Variants in CSRNP3 observed in about 807,000 individuals in gnomAD.
The protein encoded by CSRNP3 is cysteine and serine rich nuclear protein 3.
Under a neutral mutation model 48.0 loss-of-function variants are expected in CSRNP3, and 12 were observed. The ratio of observed to expected loss-of-function variants is 0.25; its 90% CI spans 0.16 to 0.41. CSRNP3 has a LOEUF of 0.41. Among genes scored for constraint, CSRNP3 ranks in the 10% least tolerant of loss-of-function variants. The pLI is 1.00. For missense variants in CSRNP3, 580 were observed against 724.4 expected, an observed-to-expected ratio of 0.80 and a Z score of 2.29; for synonymous variants, 263 against 269.7, an observed-to-expected ratio of 0.98 and a Z score of 0.24.
At chr2:165,620,079 G>A (rs1209579543) in intron 4 of CSRNP3, among the ~76,000 whole-genome samples, 1 of 152,118 alleles carries the variant, frequency 6.6e-6, no homozygotes, top group East Asian at 1.9e-4. Flanking sequence ...TAGAAATAAA[G>A]TCAGTTTTCT....
At chr2:165,677,041 G>A (rs1687437390) in intron 6 of CSRNP3, among the ~76,000 whole-genome samples, 1 of 152,152 alleles carries the variant, frequency 6.6e-6, no homozygotes, top group South Asian at 2.1e-4. Context: ...ACTAGATTGA[G>A]ACTGCAGAAA....
chr2:165,603,291 G>C (rs1356013590), intron 4 of CSRNP3, among the ~76,000 whole-genome samples: 1 of 152,114 alleles, frequency 6.6e-6, no homozygotes, highest in Admixed American at 6.5e-5. Context: ...AGTGATGTCA[G>C]TTAACTGTGT....
chr2:165,525,506 A>C (rs1449614765), intron 3 of CSRNP3, among the ~76,000 whole-genome samples: 2 of 125,744 alleles, frequency 1.6e-5, no homozygotes, highest in Non-Finnish European at 3.2e-5. Flanking sequence ...TTTTTTTTGG[A>C]GACAGAGTCT....
chr2:165,486,224 G>A (rs1006719761), intron 1 of CSRNP3, among the ~76,000 whole-genome samples: 2 of 152,196 alleles, frequency 1.3e-5, no homozygotes, highest in Non-Finnish European at 2.9e-5. Context: ...CCCGATTATT[G>A]CGCTTTTCAG....
intron 3 of CSRNP3, among the ~76,000 whole-genome samples, chr2:165,566,064 T>C (rs779700032): frequency 5.9e-5 from 9 of 151,962 alleles, no homozygotes; most frequent in Non-Finnish European, 1.0e-4. Flanking sequence ...AAACCCTCTG[T>C]CAAATTCATT....
At chr2:165,645,920 T>G (rs142134030) in intron 4 of CSRNP3, among the ~76,000 whole-genome samples, 1 of 152,182 alleles carries the variant, frequency 6.6e-6, no homozygotes, top group African/African-American at 2.4e-5. Context: ...TTTGTTTTGT[T>G]TTTTTGGAGA....
At chr2:165,519,422 G>T (rs374036961) in intron 3 of CSRNP3, among the ~76,000 whole-genome samples, 27 of 152,274 alleles carry the variant, frequency 1.8e-4, no homozygotes, top group African/African-American at 6.0e-4. Context: ...GTAGGTAGGT[G>T]AGTACAGGGA....
At chr2:165,571,819 C>A (rs1685377115) in intron 3 of CSRNP3, among the ~76,000 whole-genome samples, 1 of 151,922 alleles carries the variant, frequency 6.6e-6, no homozygotes, top group Non-Finnish European at 1.5e-5. Context: ...TCTACTTTAT[C>A]AAAAGTAATT....
chr2:165,490,610 A>G (rs1684191329), intron 1 of CSRNP3, among the ~76,000 whole-genome samples: 1 of 145,238 alleles, frequency 6.9e-6, no homozygotes, highest in South Asian at 2.3e-4. Flanking sequence ...GATATAGATC[A>G]ATGGAACAGA....
At chr2:165,478,240 C>G (rs1683994834) in intron 1 of CSRNP3, among the ~76,000 whole-genome samples, 1 of 152,138 alleles carries the variant, frequency 6.6e-6, no homozygotes, top group Non-Finnish European at 1.5e-5. Context: ...AACTCAAAGG[C>G]TGAAACATGG....
intron 1 of CSRNP3, among the ~76,000 whole-genome samples, chr2:165,476,222 T>C (rs1683960953): frequency 6.6e-6 from 1 of 152,184 alleles, no homozygotes. Context: ...CCATTTGTGG[T>C]CTGTTCTGGT....
Position 165,595,048 on chromosome 2 carries a change from T to C in CSRNP3, c.-18T>C, listed in dbSNP as rs766145732. The C allele has an allele frequency of 6.2e-7, 1 of 1,613,678 alleles. No homozygotes were observed. Among genetic ancestry groups the C allele is most frequent in the Non-Finnish European group, 8.5e-7 (1 of 1,179,782 alleles). On this transcript the variant is annotated 5_prime_UTR_variant, in exon 4 of 7. The change abolishes an upstream ATG in the 5' untranslated region. Transcript: ENST00000651982. ...TGCTCTCCTTCCTGTTACAGGTACATGTGACAGCACTGCAGCGATGAGTGG... is the reference window on the plus strand; with the variant it reads ...TGCTCTCCTTCCTGTTACAGGTACACGTGACAGCACTGCAGCGATGAGTGG...
At chr2:165,573,947 G>T (rs1023240657) in intron 3 of CSRNP3, among the ~76,000 whole-genome samples, 4 of 152,054 alleles carry the variant, frequency 2.6e-5, no homozygotes, top group Admixed American at 2.6e-4. Context: ...GGGTTTCCTT[G>T]GTTACCATAG....
intron 4 of CSRNP3, among the ~76,000 whole-genome samples, chr2:165,655,342 G>T (rs1686985083): frequency 6.6e-6 from 1 of 152,130 alleles, no homozygotes; most frequent in Non-Finnish European, 1.5e-5. Flanking sequence ...TTAGTTATAG[G>T]ACCTTGGCCA....
chr2:165,556,087 G>T (rs1685157260), intron 3 of CSRNP3, among the ~76,000 whole-genome samples: 1 of 152,162 alleles, frequency 6.6e-6, no homozygotes, highest in East Asian at 1.9e-4. Context: ...CTCTTTAGGG[G>T]AAGACAGCAG....
At chr2:165,513,915 A>T (rs1050110970) in intron 2 of CSRNP3, among the ~76,000 whole-genome samples, 1 of 152,228 alleles carries the variant, frequency 6.6e-6, no homozygotes, top group Admixed American at 6.5e-5. Flanking sequence ...CAAGTTAAAA[A>T]ACTGGTTCTA....
At chr2:165,672,436 C>T (rs1271520487) in intron 5 of CSRNP3, among the ~76,000 whole-genome samples, 3 of 152,084 alleles carry the variant, frequency 2.0e-5, no homozygotes, top group African/African-American at 7.2e-5. Context: ...GGAATGAGAA[C>T]CAAGCTAAAA....
intron 3 of CSRNP3, among the ~76,000 whole-genome samples, chr2:165,540,968 C>A (rs188037386): frequency 6.6e-6 from 1 of 151,924 alleles, no homozygotes; most frequent in Non-Finnish European, 1.5e-5. Flanking sequence ...TTTTACATGG[C>A]GGGGTTTTCT....
At chr2:165,477,403 G>C (rs1259122041) in intron 1 of CSRNP3, among the ~76,000 whole-genome samples, 1 of 148,898 alleles carries the variant, frequency 6.7e-6, no homozygotes, top group Non-Finnish European at 1.5e-5. Flanking sequence ...CAGATCACAT[G>C]AGGTCAGAAG....
Sources: allele counts gnomAD v4.1 joint callset (sites outside exome capture counted in the v4.1 genomes callset), GRCh38; gene constraint gnomAD v4.1.1; transcripts MANE v1.5; gene names NCBI Gene and HGNC (gene_info 2026-07-23, HGNC 2026-07-21).